CELF2: variants seen among roughly 807,000 people sequenced by gnomAD.
CELF2 encodes CUG triplet repeat RNA-binding protein 2.
In CELF2, 8 loss-of-function variants were observed where a neutral mutation model predicts 62.6. The ratio of observed to expected loss-of-function variants is 0.13; its 90% CI spans 0.07 to 0.23. CELF2 has a LOEUF of 0.23. Among genes scored for constraint, CELF2 ranks in the 10% least tolerant of loss-of-function variants. The pLI, the probability that CELF2 is intolerant of heterozygous loss-of-function variation, is 1.00. For synonymous variants in CELF2, 258 were observed against 250.0 expected (o/e 1.03, Z -0.30); for missense variants, 333 against 671.0 (o/e 0.50, Z 5.56).
At chr10:10,549,193 G>A in the CELF2 span, among the ~76,000 whole-genome samples, 1 of 152,178 alleles carries the variant, frequency 6.6e-6, no homozygotes, top group Non-Finnish European at 1.5e-5. Context: ...AATACCATAG[G>A]CTGGATGGCT....
At chr10:10,572,041 T>A in the CELF2 span, among the ~76,000 whole-genome samples, 6 of 152,134 alleles carry the variant, frequency 3.9e-5, no homozygotes, top group Non-Finnish European at 8.8e-5. Flanking sequence ...GCCGTGGCCA[T>A]GGAGAATAGC....
chr10:10,822,486 T>A (rs1320577305), intron 1 of CELF2, among the ~76,000 whole-genome samples: 1 of 152,228 alleles, frequency 6.6e-6, no homozygotes, highest in Non-Finnish European at 1.5e-5. Context: ...AGTTGAGGCA[T>A]GATATTATTT....
intron 2 of CELF2, among the ~76,000 whole-genome samples, chr10:11,212,309 T>C (rs757561663): frequency 1.3e-5 from 2 of 152,144 alleles, no homozygotes; most frequent in African/African-American, 2.4e-5. Context: ...TGCTGCTTCA[T>C]GGCTGCCCCG....
At chr10:10,504,664 GAGTT>G in the CELF2 span, among the ~76,000 whole-genome samples, 1 of 151,994 alleles carries the variant, frequency 6.6e-6, no homozygotes, top group South Asian at 2.1e-4. Flanking sequence ...AATGACATGA[GAGTT>G]AGATATTTTT....
chr10:10,495,335 G>A, the CELF2 span, among the ~76,000 whole-genome samples: 1 of 152,094 alleles, frequency 6.6e-6, no homozygotes, highest in East Asian at 1.9e-4. Flanking sequence ...TATTATGTAT[G>A]GAACATTAAA....
chr10:11,179,347 C>A (rs2072442218), intron 2 of CELF2, among the ~76,000 whole-genome samples: 1 of 151,940 alleles, frequency 6.6e-6, no homozygotes, highest in Non-Finnish European at 1.5e-5. Flanking sequence ...CGCTTATTTT[C>A]TTAAGTATCT....
chr10:10,850,164 A>T (rs1013414689), intron 1 of CELF2, among the ~76,000 whole-genome samples: 8 of 152,116 alleles, frequency 5.3e-5, no homozygotes, highest in African/African-American at 1.4e-4. Flanking sequence ...TAAAAAAATT[A>T]AAAAATTGGC....
intron 1 of CELF2, among the ~76,000 whole-genome samples, chr10:10,854,225 C>T (rs1403752914): frequency 1.3e-5 from 2 of 152,158 alleles, no homozygotes; most frequent in East Asian, 3.9e-4. Context: ...TCAAAAGAGC[C>T]TGTGTCTGCT....
chr10:10,728,225 G>A, the CELF2 span, among the ~76,000 whole-genome samples: 1 of 151,380 alleles, frequency 6.6e-6, no homozygotes, highest in Admixed American at 6.6e-5. Flanking sequence ...TGGATCACGA[G>A]GTCAGGAGTT....
chr10:11,096,102 A>C (rs557982383), intron 1 of CELF2, among the ~76,000 whole-genome samples: 1 of 152,320 alleles, frequency 6.6e-6, no homozygotes, highest in Non-Finnish European at 1.5e-5. Flanking sequence ...ACCTGCATTT[A>C]TTTGAAGCGC....
At chr10:11,276,075 A>G (rs72775850) in intron 8 of CELF2, among the ~76,000 whole-genome samples, 1 of 152,202 alleles carries the variant, frequency 6.6e-6, no homozygotes, top group Non-Finnish European at 1.5e-5. Flanking sequence ...TTTCGTTGTC[A>G]TCATGAAAAC....
chr10:10,781,227 AT>A, the CELF2 span, among the ~76,000 whole-genome samples: 1 of 152,186 alleles, frequency 6.6e-6, no homozygotes, highest in Non-Finnish European at 1.5e-5. Context: ...ATAATGCCAT[AT>A]TTTTACCTTT....
In CELF2 at chr10:10,934,650, C is replaced by T. The variant is rs1170156035; in HGVS notation, c.89+14651C>T. On this transcript the variant is annotated intron_variant, in intron 2 of 13. Coordinates refer to the CELF2 transcript ENST00000636488. The surrounding 1 kb of genome is among the most constrained non-coding windows in gnomAD (Gnocchi z 4.4). ...TATCATGAACAAAAACTAGGGATGT[C>T]TGGAGGAAGAGGCATTCATTGGAAA... is the stretch of plus-strand genomic sequence containing the variant. 4 of 152,172 alleles carry T rather than the reference C, an allele frequency of 2.6e-5. No homozygotes were observed. Among genetic ancestry groups the T allele is most frequent in the African/African-American group, 9.7e-5 (4 of 41,426 alleles). The allele number at this position is 152,172 out of a possible 1,614,324, so 9.4% of individuals were successfully genotyped here.
At chr10:10,658,814 G>T in the CELF2 span, among the ~76,000 whole-genome samples, 84 of 152,124 alleles carry the variant, frequency 5.5e-4, no homozygotes, top group Middle Eastern at 0.014. Context: ...AGTCTTGGTG[G>T]TTTTTATCTG....
At chr10:10,937,507 C>T (rs1376047980) in intron 2 of CELF2, 1 of 152,146 alleles carries the variant, frequency 6.6e-6, no homozygotes, top group Non-Finnish European at 1.5e-5. Flanking sequence ...GAAACTGGTA[C>T]TGCAGGAGTA....
intron 1 of CELF2, among the ~76,000 whole-genome samples, chr10:10,876,486 T>C (rs1006815465): frequency 6.6e-6 from 1 of 152,152 alleles, no homozygotes; most frequent in Non-Finnish European, 1.5e-5. Context: ...CTTGCCTCTT[T>C]ATTCTCACCT....
the CELF2 span, among the ~76,000 whole-genome samples, chr10:10,600,049 A>G: frequency 1.4e-4 from 22 of 152,152 alleles, no homozygotes; most frequent in Non-Finnish European, 2.1e-4. Context: ...ATTTCTTTAT[A>G]TGTCTTAATG....
At chr10:11,017,556 CCTCCCGCGGCTGGG>C (rs1378882930), upstream of CELF2, among the ~76,000 whole-genome samples, 2 of 152,224 alleles carry the variant, frequency 1.3e-5, no homozygotes, top group African/African-American at 4.8e-5. This position sits in a 1 kb window ranked among gnomAD's most constrained non-coding sequence, Gnocchi z 5.5. Context: ...GGGCTGCTCG[CCTCCCGCGGCTGGG>C]CTCTGGGAGC....
intron 1 of CELF2, among the ~76,000 whole-genome samples, chr10:11,136,832 T>G (rs1275036746): frequency 6.6e-6 from 1 of 152,120 alleles, no homozygotes; most frequent in Admixed American, 6.5e-5. Context: ...ACATCACTAT[T>G]AGGATGTTAC....
Sources: gnomAD v4.1 joint callset for allele counts (sites outside exome capture counted in the v4.1 genomes callset) on GRCh38, gnomAD v4.1.1 for gene constraint, Gnocchi (gnomAD v3.1) non-coding constraint, MANE v1.5 for transcripts, NCBI Gene and HGNC (gene_info 2026-07-23, HGNC 2026-07-21) for gene names.